The following SCN2A variants were observed in gnomAD, a reference collection of about 807,000 sequenced individuals.
SCN2A encodes the protein sodium channel protein type 2 subunit alpha.
Under a neutral mutation model 188.7 loss-of-function variants are expected in SCN2A, and 20 were observed. The observed-to-expected ratio is 0.11, with a 90% confidence interval of 0.07 to 0.15. SCN2A has a LOEUF of 0.15. SCN2A is among the 10% of genes least tolerant of loss of function. The probability of loss-of-function intolerance (pLI) is 1.00; values close to 1 mark genes in which losing one functional copy is unlikely to be tolerated. For synonymous variants in SCN2A, 804 were observed against 833.1 expected (o/e 0.97, Z 0.60); for missense variants, 1,278 against 2,445.0 (o/e 0.52, Z 10.07).
chr2:165,331,600 G>C (rs768870787), intron 14 of SCN2A, 32 bp downstream of exon 14: 2 of 1,528,070 alleles, frequency 1.3e-6, no homozygotes, highest in Admixed American at 1.7e-5. Flanking sequence ...TCTTCCTCTT[G>C]AAAGAGTTTA....
chr2:165,255,919 A>T, intron 1 of SCN2A, among the ~76,000 whole-genome samples: 1 of 127,330 alleles, frequency 7.9e-6, no homozygotes, highest in Admixed American at 9.1e-5. Context: ...ATTTTCCCCT[A>T]CCAGAAACTT....
chr2:165,244,477 A>C (rs1217967235), intron 1 of SCN2A, among the ~76,000 whole-genome samples: 1 of 152,090 alleles, frequency 6.6e-6, no homozygotes, highest in Non-Finnish European at 1.5e-5. Context: ...AAGAAGACAT[A>C]ATTACTAACT....
rs1455059645 is a variant in SCN2A at position 165,297,094 on chromosome 2, C to T, written c.345C>T (p.Phe115=). 2 of 1,610,102 alleles carry T rather than the reference C, an allele frequency of 1.2e-6. No homozygotes were observed. Reference sequence around the variant, plus strand: ...CTGCCCTTTACATTTTAACTCCCTTCAACCCTATTAGAAAATTAGCTATTA... The same window carrying T: ...CTGCCCTTTACATTTTAACTCCCTTTAACCCTATTAGAAAATTAGCTATTA... ...ATPALYILTP[F]NPIRKLAIKI... Residue 115 remains phenylalanine (F), a synonymous_variant, in exon 3 of 27, where the codon TTC becomes TTT. Coordinates refer to ENST00000375437, the MANE Select transcript of SCN2A (RefSeq NM_001040142.2).
At chr2:165,350,790 C>T (rs1699870491) in intron 16 of SCN2A, among the ~76,000 whole-genome samples, 1 of 152,134 alleles carries the variant, frequency 6.6e-6, no homozygotes, top group South Asian at 2.1e-4. Flanking sequence ...CTTAAATTGT[C>T]ATGGATCACA....
chr2:165,388,590 A>G, intron 26 of SCN2A, 39 bp from the exon 27 acceptor site: 1 of 1,612,220 alleles, frequency 6.2e-7, no homozygotes. Context: ...GCTACTATTA[A>G]GTATAACAAT....
intron 17 of SCN2A, 66 bp downstream of exon 17, chr2:165,354,737 G>A: frequency 2.0e-6 from 3 of 1,515,608 alleles, no homozygotes; most frequent in Non-Finnish European, 2.7e-6. Context: ...ATTATCAGGT[G>A]TTTTTAAATT....
At chr2:165,291,525 TTTCCTTCCTTCCTTCCTTCCTTCC>T (rs369490510) in intron 1 of SCN2A, among the ~76,000 whole-genome samples, 33 of 58,636 alleles carry the variant, frequency 5.6e-4, no homozygotes, top group Non-Finnish European at 8.6e-4. Flanking sequence ...CTCTCCTTTC[TTTCCTTCCTTCCTTCCTTCCTTCC>T]TTCCTTCCTT....
At chr2:165,385,444 G>A (rs1040570598) in intron 25 of SCN2A, among the ~76,000 whole-genome samples, 4 of 152,276 alleles carry the variant, frequency 2.6e-5, no homozygotes, top group African/African-American at 9.6e-5. Context: ...AAGGCAATTA[G>A]TACTTGGAAA....
intron 1 of SCN2A, among the ~76,000 whole-genome samples, chr2:165,252,298 G>A (rs1174723338): frequency 6.6e-6 from 1 of 152,006 alleles, no homozygotes; most frequent in East Asian, 1.9e-4. Flanking sequence ...GGGACTTTCT[G>A]TCAACATTTG....
chr2:165,269,204 A>T (rs920642767), intron 1 of SCN2A: 2 of 152,106 alleles, frequency 1.3e-5, no homozygotes, highest in Admixed American at 6.6e-5. Flanking sequence ...AATTAGTTTG[A>T]TTTAATCATT....
intron 16 of SCN2A, among the ~76,000 whole-genome samples, chr2:165,352,966 T>G (rs2105334731): frequency 6.6e-6 from 1 of 152,248 alleles, no homozygotes. Flanking sequence ...AATCAGGAAT[T>G]CATTGATATT....
chr2:165,312,958 T>C (rs1474186214), intron 8 of SCN2A, among the ~76,000 whole-genome samples: 2 of 152,126 alleles, frequency 1.3e-5, no homozygotes, highest in African/African-American at 4.8e-5. Flanking sequence ...AGTAAATCAA[T>C]TGATTTTCAT....
chr2:165,255,352 A>G (rs1202803657), intron 1 of SCN2A, among the ~76,000 whole-genome samples: 1 of 152,062 alleles, frequency 6.6e-6, no homozygotes, highest in Non-Finnish European at 1.5e-5. Flanking sequence ...AACTACCCTT[A>G]CATAAGATAA....
At chr2:165,333,243 A>T (rs1698795586) in intron 14 of SCN2A, among the ~76,000 whole-genome samples, 1 of 151,974 alleles carries the variant, frequency 6.6e-6, no homozygotes, top group Non-Finnish European at 1.5e-5. Flanking sequence ...AAAGAAATAA[A>T]CAATAAATAG....
chr2:165,362,875 GA>G (rs1203153402), intron 17 of SCN2A, among the ~76,000 whole-genome samples: 1 of 152,094 alleles, frequency 6.6e-6, no homozygotes, highest in African/African-American at 2.4e-5. Context: ...AAGATGGATG[GA>G]AGAAATTAGG....
chr2:165,277,174 G>A (rs939696016), intron 1 of SCN2A, among the ~76,000 whole-genome samples: 2 of 151,910 alleles, frequency 1.3e-5, no homozygotes, highest in Non-Finnish European at 2.9e-5. Flanking sequence ...AATATTTGGG[G>A]AATTATACAT....
At chr2:165,339,457 G>A (rs942337643) in intron 14 of SCN2A, among the ~76,000 whole-genome samples, 3 of 151,504 alleles carry the variant, frequency 2.0e-5, no homozygotes, top group Non-Finnish European at 2.9e-5. Context: ...ATTGAAATGT[G>A]GTAAATTATC....
chr2:165,296,908 T>C (rs369745243), intron 2 of SCN2A, 109 bp from the exon 3 acceptor site: 1 of 667,832 alleles, frequency 1.5e-6, no homozygotes, highest in African/African-American at 1.8e-5. Context: ...TATTATGTTA[T>C]ACACTATTTT....
chr2:165,383,479 T>C (rs1701709102), intron 25 of SCN2A, among the ~76,000 whole-genome samples: 1 of 152,092 alleles, frequency 6.6e-6, no homozygotes, highest in Non-Finnish European at 1.5e-5. Context: ...CCCAAACTTT[T>C]CTGGGCCTTG....
Sources: gnomAD v4.1 joint callset for allele counts (sites outside exome capture counted in the v4.1 genomes callset) on GRCh38, gnomAD v4.1.1 for gene constraint, MANE v1.5 for transcripts, NCBI Gene and HGNC (gene_info 2026-07-23, HGNC 2026-07-21) for gene names.